PTPRF: variants seen among roughly 807,000 people sequenced by gnomAD.
PTPRF encodes the protein receptor-type tyrosine-protein phosphatase F.
A neutral mutation model predicts 201.8 loss-of-function variants in PTPRF; 59 were observed. That is an observed-to-expected ratio of 0.29 (90% CI 0.24 to 0.36). The LOEUF (loss-of-function observed/expected upper bound fraction) is 0.36, where lower values mean the gene tolerates loss of function less well. Among genes scored for constraint, PTPRF ranks in the 10% least tolerant of loss-of-function variants. The pLI is 1.00. For synonymous variants in PTPRF, 1,088 were observed against 1,089.7 expected (o/e 1.00, Z 0.03); for missense variants, 2,132 against 2,690.5 (o/e 0.79, Z 4.59).
chr1:43,550,348 G>GCCCCGCCCCA (rs1195298653), intron 3 of PTPRF, among the ~76,000 whole-genome samples: 2 of 152,020 alleles, frequency 1.3e-5, no homozygotes, highest in Non-Finnish European at 2.9e-5. Flanking sequence ...TGGAGCGGAG[G>GCCCCGCCCCA]CCCCGCCCCA....
At chr1:43,610,129 T>C (rs866707853) in intron 22 of PTPRF, among the ~76,000 whole-genome samples, 4 of 152,138 alleles carry the variant, frequency 2.6e-5, no homozygotes, top group Admixed American at 1.3e-4. Flanking sequence ...CCTCCCTCCT[T>C]CTTCCTTTTG....
At chr1:43,587,333 T>C (rs1649414002) in intron 7 of PTPRF, among the ~76,000 whole-genome samples, 2 of 152,212 alleles carry the variant, frequency 1.3e-5, no homozygotes, top group South Asian at 4.1e-4. Flanking sequence ...GGAAGGATGA[T>C]GATGGCTTGG....
Position 43,604,884 on chromosome 1 carries a change from T to A in PTPRF, c.3038-19T>A. The A allele has an allele frequency of 6.2e-7, 1 of 1,609,906 alleles. No individual in the cohort carries two copies. The highest frequency in any genetic ancestry group is 8.5e-7 in the Non-Finnish European group (1 of 1,177,004). On this transcript the variant is annotated intron_variant, in intron 16 of 33. Coordinates refer to ENST00000359947, the MANE Select transcript of PTPRF (RefSeq NM_002840.5). ...ACCTCATATACCCAGCAGAGCTGAC[T>A]CTCTCTATGCCTTTGCAGTGTTTGC... is the stretch of plus-strand genomic sequence containing the variant.
chr1:43,562,296 G>A (rs1645860291), intron 5 of PTPRF, among the ~76,000 whole-genome samples: 1 of 152,158 alleles, frequency 6.6e-6, no homozygotes, highest in Non-Finnish European at 1.5e-5. Context: ...TTTTAGTAGA[G>A]ATGGGGTTTC....
intron 1 of PTPRF, among the ~76,000 whole-genome samples, chr1:43,531,766 G>T (rs970880507): frequency 6.6e-6 from 1 of 152,046 alleles, no homozygotes; most frequent in Non-Finnish European, 1.5e-5. Context: ...GCCCTGGAGC[G>T]ACCTGTCCCG....
Position 43,554,296 on chromosome 1 carries a change from G to A in PTPRF, c.379+355G>A, listed in dbSNP as rs1645212516. Among the ~76,000 whole-genome samples, 3 of 152,166 alleles carry A rather than the reference G, an allele frequency of 2.0e-5. No homozygotes were observed. The South Asian group carries it at 6.2e-4, about 32-fold the overall frequency. The stretch of plus-strand genomic sequence containing the variant: ...TGGCAGTGAACCGGATTTCCATGTG[G>A]AGCCTGGCCGTAGGTGTCAGGCAGG... On this transcript the variant is annotated intron_variant, in intron 5 of 33. Transcript: ENST00000359947. The surrounding 1 kb of genome is among the most constrained non-coding windows in gnomAD (Gnocchi z 4.1).
chr1:43,569,890 G>A, intron 6 of PTPRF, 112 bp downstream of exon 6: 6 of 1,218,358 alleles, frequency 4.9e-6, no homozygotes, highest in South Asian at 1.8e-5. Flanking sequence ...CTGAGCGGAG[G>A]GTACCTGGTG....
Position 43,537,730 on chromosome 1 carries a change from A to G in PTPRF, c.-125-468A>G, listed in dbSNP as rs998523960. On this transcript the variant is annotated intron_variant, in intron 1 of 33. Transcript: ENST00000359947. The surrounding 1 kb of genome is among the most constrained non-coding windows in gnomAD (Gnocchi z 4.8). ...CAGAAGAGCATGGGTAGCCTGTGCCAGGCAGTGGCATTCAGCACTGGCAAG... is the reference window on the plus strand; with the variant it reads ...CAGAAGAGCATGGGTAGCCTGTGCCGGGCAGTGGCATTCAGCACTGGCAAG... Among the ~76,000 whole-genome samples the G allele has an allele frequency of 2.0e-5, 3 of 152,252 alleles. No individual in the cohort carries two copies. The highest frequency in any genetic ancestry group is 7.2e-5 in the African/African-American group (3 of 41,470).
At chr1:43,619,919 G>A in intron 29 of PTPRF, 61 bp downstream of exon 29, 1 of 1,587,238 alleles carries the variant, frequency 6.3e-7, no homozygotes, top group South Asian at 1.1e-5. Flanking sequence ...TGCCTGGCTG[G>A]TGGGGGTGGG....
Position 43,622,093 on chromosome 1 carries a change from C to A in PTPRF, c.*90C>A. ...GCCATACCGACCATCGTCCAGCCCT[C>A]CTACGCAGATGCTGTCACTGGCAGA... On this transcript the variant is annotated 3_prime_UTR_variant, in exon 34 of 34. Coordinates refer to ENST00000359947, the MANE Select transcript of PTPRF (RefSeq NM_002840.5). The A allele has an allele frequency of 7.2e-7, 1 of 1,380,940 alleles. No individual in the cohort carries two copies. 85.5% of individuals were successfully genotyped at this position (1,380,940 alleles called of 1,614,324 possible). A position where few individuals can be genotyped will look rare whatever the true frequency, so the allele number is the denominator to read the frequency against.
chr1:43,600,651 T>G (rs1220553569), intron 13 of PTPRF, among the ~76,000 whole-genome samples: 1 of 151,128 alleles, frequency 6.6e-6, no homozygotes, highest in Non-Finnish European at 1.5e-5. Context: ...TGGTGCAGGT[T>G]CCCACCCCCA....
Position 43,591,893 on chromosome 1 carries a change from A to G in PTPRF, c.1613A>G (p.Glu538Gly), listed in dbSNP as rs747424443. The change falls in exon 10 of 34, where the codon GAG becomes GGG. Residue 538 changes from glutamate to glycine, a missense_variant. Transcript: ENST00000359947. ...IQLSWLLPPQ[E>G]RIIMYELVYW... ...CTCTCGTGGCTGCTGCCCCCTCAGG[A>G]GCGGATCATCATGTATGAACTGGTG... 6.2e-7 allele frequency: 1 copy of G among 1,613,452 alleles called. No individual in the cohort carries two copies.
chr1:43,523,925 T>C (rs560581147), upstream of PTPRF, among the ~76,000 whole-genome samples: 5 of 150,830 alleles, frequency 3.3e-5, no homozygotes, highest in East Asian at 9.7e-4. Context: ...TAGCCAGGCA[T>C]GGTGCCATGC....
chr1:43,581,712 C>T (rs1353021425), intron 7 of PTPRF, among the ~76,000 whole-genome samples: 4 of 152,354 alleles, frequency 2.6e-5, no homozygotes, highest in East Asian at 3.9e-4. Flanking sequence ...GGTGGATGGC[C>T]GTGGAGGAGT....
chr1:43,591,932 A>G lies in PTPRF; in HGVS notation c.1652A>G (p.Glu551Gly). The G allele has an allele frequency of 6.2e-7, 1 of 1,613,684 alleles. No homozygotes were observed. The highest frequency in any genetic ancestry group is 1.1e-5 in the South Asian group (1 of 91,084). The change falls in exon 10 of 34, where the codon GAG becomes GGG. Residue 551 changes from glutamate to glycine, a missense_variant. Glu to Gly is a moderately conservative substitution (Grantham distance 98). Coordinates refer to ENST00000359947, the MANE Select transcript of PTPRF (RefSeq NM_002840.5). Reference protein sequence around the residue: ...IMYELVYWAAEDEDQQHKVTF... With the variant: ...IMYELVYWAAGDEDQQHKVTF... Reference sequence around the variant, plus strand: ...TATGAACTGGTGTACTGGGCGGCAGAGGACGAAGACCAACAGGTGTGCAGC... The same window carrying G: ...TATGAACTGGTGTACTGGGCGGCAGGGGACGAAGACCAACAGGTGTGCAGC...
chr1:43,543,805 G>C (rs1180799068), intron 2 of PTPRF, among the ~76,000 whole-genome samples: 1 of 151,928 alleles, frequency 6.6e-6, no homozygotes, highest in Non-Finnish European at 1.5e-5. Context: ...TATCACTGTG[G>C]GGCCCCAAGG....
At chr1:43,594,339 C>T (rs1465305690) in intron 11 of PTPRF, among the ~76,000 whole-genome samples, 1 of 89,318 alleles carries the variant, frequency 1.1e-5, no homozygotes, top group Non-Finnish European at 2.2e-5. Flanking sequence ...GAGCAGGGAG[C>T]ACACAGGCCT....
At chr1:43,574,063 C>A (rs936284768) in intron 6 of PTPRF, among the ~76,000 whole-genome samples, 1 of 133,902 alleles carries the variant, frequency 7.5e-6, no homozygotes, top group African/African-American at 2.8e-5. Flanking sequence ...ATGGCGCGAT[C>A]TCGGCTCATC....
intron 5 of PTPRF, among the ~76,000 whole-genome samples, chr1:43,557,462 C>A (rs1309608573): frequency 6.6e-6 from 1 of 152,112 alleles, no homozygotes; most frequent in Non-Finnish European, 1.5e-5. Flanking sequence ...GGCAAAACCC[C>A]ATCTCTACCA....
Sources: allele counts gnomAD v4.1 joint callset (sites outside exome capture counted in the v4.1 genomes callset), GRCh38; gene constraint gnomAD v4.1.1; non-coding constraint Gnocchi (gnomAD v3.1); transcripts MANE v1.5; gene names NCBI Gene and HGNC (gene_info 2026-07-23, HGNC 2026-07-21).